Variants in CDH13 observed in about 807,000 individuals in gnomAD.
CDH13 encodes the protein cadherin-13.
In CDH13, 24 loss-of-function variants were observed where a neutral mutation model predicts 63.8. That is an observed-to-expected ratio of 0.38 (90% CI 0.27 to 0.53). The LOEUF (loss-of-function observed/expected upper bound fraction) is 0.53, where lower values mean the gene tolerates loss of function less well. Ranked by LOEUF, CDH13 falls within the 20% of genes least tolerant of loss-of-function variation. The pLI is 0.85. For missense variants in CDH13, 1,049 were observed against 903.1 expected, an observed-to-expected ratio of 1.16 and a Z score of -2.07; for synonymous variants, 503 against 355.3, an observed-to-expected ratio of 1.42 and a Z score of -4.67.
intron 1 of CDH13, 105 bp downstream of exon 1, chr16:82,627,242 C>T (rs1168790174): frequency 1.0e-6 from 1 of 974,856 alleles, no homozygotes; most frequent in Non-Finnish European, 1.6e-6. Flanking sequence ...GGCCTCCGGT[C>T]GCGGCGGCGA....
chr16:83,682,507 A>T (rs1029604507), intron 10 of CDH13, among the ~76,000 whole-genome samples: 8 of 152,142 alleles, frequency 5.3e-5, no homozygotes, highest in Non-Finnish European at 1.2e-4. Context: ...TAGAGGGGAA[A>T]GTCGCCACTG....
At chr16:82,643,381 A>G (rs1307246450) in intron 1 of CDH13, among the ~76,000 whole-genome samples, 1 of 152,172 alleles carries the variant, frequency 6.6e-6, no homozygotes, top group African/African-American at 2.4e-5. Context: ...CGACTCCTCA[A>G]AAGATCCCCA....
Position 82,951,050 on chromosome 16 carries a change from G to A in CDH13, c.158-80960G>A, listed in dbSNP as rs1049909762. 1.3e-5 allele frequency among the ~76,000 whole-genome samples: 2 copies of A among 152,166 alleles called. 1 individual carries two copies. Among genetic ancestry groups the A allele is most frequent in the South Asian group, 4.1e-4 (2 of 4,826 alleles). On this transcript the variant is annotated intron_variant, in intron 2 of 13. Coordinates refer to ENST00000567109, the MANE Select transcript of CDH13 (RefSeq NM_001257.5). ...CTTCGAGAAGAATTTTATTGGTCCA[G>A]TTGAGCCCAGATACCTTCCCTTGGC...
rs976579539 is a variant in CDH13 at position 82,973,265 on chromosome 16, G to A, written c.158-58745G>A. 2.0e-5 allele frequency among the ~76,000 whole-genome samples: 3 copies of A among 152,206 alleles called. No individual in the cohort carries two copies. In the East Asian group the frequency reaches 5.8e-4, roughly 29 times the overall value. ...AAGTTTGAAGCAGAGCAGATGCTCA[G>A]ACGGTCTGCATCCCTCCTCTTTGCC... On this transcript the variant is annotated intron_variant, in intron 2 of 13. Coordinates refer to ENST00000567109, the MANE Select transcript of CDH13 (RefSeq NM_001257.5).
At chr16:82,673,969 A>C (rs944074617) in intron 1 of CDH13, among the ~76,000 whole-genome samples, 1 of 152,216 alleles carries the variant, frequency 6.6e-6, no homozygotes, top group Non-Finnish European at 1.5e-5. Flanking sequence ...AAGCCTATGG[A>C]ACAAAAGTGT....
chr16:83,740,309 T>C (rs1294999450), intron 10 of CDH13, among the ~76,000 whole-genome samples: 1 of 151,908 alleles, frequency 6.6e-6, no homozygotes, highest in East Asian at 2.0e-4. Flanking sequence ...CACTCTGTGA[T>C]TTAACACTGG....
chr16:83,773,476 G>T (rs1914892282), intron 11 of CDH13, among the ~76,000 whole-genome samples: 1 of 152,150 alleles, frequency 6.6e-6, no homozygotes, highest in African/African-American at 2.4e-5. Context: ...AGAAGTGCTA[G>T]CAGGTTAAAT....
At chr16:82,908,663 CCTTT>C in intron 2 of CDH13, among the ~76,000 whole-genome samples, 1 of 152,188 alleles carries the variant, frequency 6.6e-6, no homozygotes, top group East Asian at 1.9e-4. Context: ...ACTTTCCAGA[CCTTT>C]CTCTCACATT....
chr16:83,275,916 T>G (rs927203894), intron 5 of CDH13, among the ~76,000 whole-genome samples: 4 of 152,186 alleles, frequency 2.6e-5, no homozygotes, highest in Non-Finnish European at 5.9e-5. Context: ...ACTTTCGTTT[T>G]TATGCTTTAT....
chr16:82,959,272 G>A (rs975934348), intron 2 of CDH13, among the ~76,000 whole-genome samples: 1 of 152,196 alleles, frequency 6.6e-6, no homozygotes, highest in Non-Finnish European at 1.5e-5. Context: ...CGTTGGTTAT[G>A]GCAATATAAT....
chr16:83,407,535 G>T (rs76883677), intron 6 of CDH13, among the ~76,000 whole-genome samples: 1 of 152,046 alleles, frequency 6.6e-6, no homozygotes, highest in Non-Finnish European at 1.5e-5. Flanking sequence ...CTAATCACTG[G>T]TTCTAATACA....
intron 1 of CDH13, among the ~76,000 whole-genome samples, chr16:82,793,908 G>A (rs1683976592): frequency 6.6e-6 from 1 of 152,216 alleles, no homozygotes; most frequent in Non-Finnish European, 1.5e-5. Flanking sequence ...CAGTAGGAGT[G>A]GATTTAAGTA....
At chr16:83,313,740 C>T (rs2090048269) in intron 5 of CDH13, among the ~76,000 whole-genome samples, 1 of 151,534 alleles carries the variant, frequency 6.6e-6, no homozygotes, top group South Asian at 2.1e-4. Context: ...ATTACAATTG[C>T]CTTTTTTCCC....
At chr16:83,378,055 C>A (rs377266229) in intron 6 of CDH13, among the ~76,000 whole-genome samples, 5 of 152,236 alleles carry the variant, frequency 3.3e-5, no homozygotes, top group African/African-American at 1.2e-4. Flanking sequence ...CCTTTGGACC[C>A]GCTACCATGC....
At chr16:83,287,423 G>A (rs1373674015) in intron 5 of CDH13, among the ~76,000 whole-genome samples, 2 of 152,176 alleles carry the variant, frequency 1.3e-5, no homozygotes, top group African/African-American at 4.8e-5. Context: ...TGTATTTACA[G>A]CCACTCCCCA....
At chr16:82,966,051 G>C (rs912382271) in intron 2 of CDH13, among the ~76,000 whole-genome samples, 2 of 152,202 alleles carry the variant, frequency 1.3e-5, no homozygotes, top group Non-Finnish European at 2.9e-5. Flanking sequence ...TGGCAGGCAG[G>C]CTCAGGCATT....
At chr16:82,850,501 T>A (rs1013246284) in intron 1 of CDH13, among the ~76,000 whole-genome samples, 1 of 152,220 alleles carries the variant, frequency 6.6e-6, no homozygotes, top group African/African-American at 2.4e-5. Context: ...GAAGATGCTG[T>A]AAACATTGTT....
chr16:82,660,501 C>G (rs1291747153), intron 1 of CDH13, among the ~76,000 whole-genome samples: 1 of 152,160 alleles, frequency 6.6e-6, no homozygotes, highest in Non-Finnish European at 1.5e-5. Flanking sequence ...CACAAACCAT[C>G]TAACAGAGGC....
At chr16:83,000,337 C>T (rs1597384984) in intron 2 of CDH13, among the ~76,000 whole-genome samples, 1 of 144,188 alleles carries the variant, frequency 6.9e-6, no homozygotes, top group Non-Finnish European at 1.5e-5. Flanking sequence ...CAACCTCCAC[C>T]TCCCAGGTTC....
Sources: allele counts gnomAD v4.1 joint callset (sites outside exome capture counted in the v4.1 genomes callset), GRCh38; gene constraint gnomAD v4.1.1; transcripts MANE v1.5; gene names NCBI Gene and HGNC (gene_info 2026-07-23, HGNC 2026-07-21).